ATP10A: variants seen among roughly 807,000 people sequenced by gnomAD.
ATP10A encodes phospholipid-transporting ATPase VA.
ATP10A carries 111 observed loss-of-function variants against 147.8 expected under a neutral mutation model. That is an observed-to-expected ratio of 0.75 (90% CI 0.64 to 0.88). The LOEUF (loss-of-function observed/expected upper bound fraction) is 0.88. ATP10A is among the 40% of genes least tolerant of loss of function. ATP10A has a pLI of 0.00. For synonymous variants in ATP10A, 875 were observed against 841.6 expected (o/e 1.04, Z -0.69); for missense variants, 1,927 against 1,959.0 (o/e 0.98, Z 0.31).
intron 8 of ATP10A, among the ~76,000 whole-genome samples, chr15:25,717,696 A>C (rs548461955): frequency 6.6e-6 from 1 of 151,424 alleles, no homozygotes; most frequent in African/African-American, 2.4e-5. Flanking sequence ...CATTGGTAAA[A>C]CATTTCAGAA....
upstream of ATP10A, among the ~76,000 whole-genome samples, chr15:25,863,997 AT>A (rs1051862198): frequency 2.0e-5 from 3 of 152,286 alleles, no homozygotes; most frequent in Non-Finnish European, 2.9e-5. Flanking sequence ...CAAAGACAGA[AT>A]TTGGTTTGCA....
downstream of ATP10A, among the ~76,000 whole-genome samples, chr15:25,675,529 C>T (rs7181116): frequency 0.71 from 107,595 of 151,836 alleles, 39,108 homozygotes; most frequent in African/African-American, 0.86. Flanking sequence ...AGCCACACCA[C>T]TGAGAGGCCC....
At chr15:25,673,024 G>A (rs1899071994), downstream of ATP10A, among the ~76,000 whole-genome samples, 1 of 152,124 alleles carries the variant, frequency 6.6e-6, no homozygotes, top group Admixed American at 6.5e-5. Context: ...GGGACGAGGA[G>A]AAGGAGGGTC....
At chr15:25,797,451 C>A (rs947664315) in intron 1 of ATP10A, among the ~76,000 whole-genome samples, 1 of 152,072 alleles carries the variant, frequency 6.6e-6, no homozygotes, top group Non-Finnish European at 1.5e-5. Context: ...CCTGCCCCCA[C>A]CCCACCCTTT....
At chr15:25,757,070 G>C (rs1010674657) in intron 2 of ATP10A, among the ~76,000 whole-genome samples, 1 of 152,144 alleles carries the variant, frequency 6.6e-6, no homozygotes, top group Non-Finnish European at 1.5e-5. Flanking sequence ...AAACCTTCAA[G>C]TGAAATTAAG....
intron 3 of ATP10A, among the ~76,000 whole-genome samples, chr15:25,729,541 C>T (rs541880407): frequency 5.3e-5 from 8 of 152,300 alleles, no homozygotes; most frequent in African/African-American, 1.7e-4. Context: ...GAGCAATCTT[C>T]GAGTGTGCGC....
At chr15:25,844,103 T>C (rs1179928284) in intron 1 of ATP10A, among the ~76,000 whole-genome samples, 2 of 152,206 alleles carry the variant, frequency 1.3e-5, no homozygotes, top group Non-Finnish European at 2.9e-5. Flanking sequence ...AAACTAATGA[T>C]ACAAGGCCAC....
In ATP10A at chr15:25,727,122, CTG is replaced by C. The variant is rs765656173; in HGVS notation, c.847+36_847+37del. 4.1e-6 allele frequency: 6 copies of C among 1,451,870 alleles called. No homozygotes were observed. The African/African-American group carries it at 8.4e-5, about 20-fold the overall frequency. The allele number at this position is 1,451,870 out of a possible 1,614,324, so 89.9% of individuals were successfully genotyped here. ...AGGGGAAGTGCTGGAGAACACAGCG[CTG>C]TCTGGCGGCAGGTGGTGCCAGGTGC... On this transcript the variant is annotated intron_variant, in intron 4 of 20. Transcript: ENST00000555815.
At chr15:25,791,729 A>C (rs1209888138) in intron 1 of ATP10A, among the ~76,000 whole-genome samples, 1 of 152,046 alleles carries the variant, frequency 6.6e-6, no homozygotes, top group Non-Finnish European at 1.5e-5. Flanking sequence ...CTTCTTGACC[A>C]CGAAACCTGT....
intron 1 of ATP10A, among the ~76,000 whole-genome samples, chr15:25,834,526 G>C (rs1056370283): frequency 2.0e-5 from 3 of 152,208 alleles, no homozygotes; most frequent in Non-Finnish European, 4.4e-5. Context: ...GGAGAAAGTG[G>C]AACCCTCGGA....
intron 2 of ATP10A, among the ~76,000 whole-genome samples, chr15:25,745,831 TAGTC>T (rs769780341): frequency 6.6e-6 from 1 of 152,200 alleles, no homozygotes; most frequent in Non-Finnish European, 1.5e-5. Context: ...TTAATACTGA[TAGTC>T]AAAGATGCAT....
intron 1 of ATP10A, among the ~76,000 whole-genome samples, chr15:25,811,816 G>A (rs1891446184): frequency 2.0e-5 from 3 of 152,144 alleles, no homozygotes; most frequent in Admixed American, 6.6e-5. Flanking sequence ...ATGGATGTGG[G>A]CTTGTCCTCC....
At chr15:25,745,773 A>G (rs1887816157) in intron 2 of ATP10A, among the ~76,000 whole-genome samples, 1 of 152,192 alleles carries the variant, frequency 6.6e-6, no homozygotes, top group Non-Finnish European at 1.5e-5. Context: ...TTTTTGCTTA[A>G]AAAGGGCCCT....
Position 25,714,053 on chromosome 15 carries a change from C to G in ATP10A, c.1965G>C (p.Glu655Asp), listed in dbSNP as rs1442362568. Reference sequence around the variant, plus strand: ...CCGAGGTGGGCTGGCCCAGCCTCTCCTCCAGCCTGAGAAGCATGCCGTCGC... The same window carrying G: ...CCGAGGTGGGCTGGCCCAGCCTCTCGTCCAGCCTGAGAAGCATGCCGTCGC... ...PSSDGMLLRLEERLGQPTSAI... is the reference protein window; with the variant it reads ...PSSDGMLLRLDERLGQPTSAI... Residue 655 changes from glutamate (E) to aspartate (D), a missense_variant, in exon 10 of 21, where the codon GAG (glutamate) becomes GAC (aspartate). Transcript: ENST00000555815. 2 of 1,612,564 alleles carry G rather than the reference C, an allele frequency of 1.2e-6. No homozygotes were observed.
At chr15:25,806,601 C>A (rs569393434) in intron 1 of ATP10A, among the ~76,000 whole-genome samples, 2 of 152,132 alleles carry the variant, frequency 1.3e-5, no homozygotes, top group South Asian at 4.1e-4. Flanking sequence ...TGTGAGCCAC[C>A]GCACCCAGCC....
chr15:25,721,186 G>A (rs997464369), intron 7 of ATP10A, among the ~76,000 whole-genome samples: 3 of 152,202 alleles, frequency 2.0e-5, no homozygotes, highest in African/African-American at 7.2e-5. Context: ...TCAATAATTG[G>A]GAGTGAGGCG....
chr15:25,833,703 G>A (rs963742263), intron 1 of ATP10A, among the ~76,000 whole-genome samples: 2 of 152,106 alleles, frequency 1.3e-5, no homozygotes, highest in Non-Finnish European at 2.9e-5. Context: ...ACTCTCAGCC[G>A]GGTGCCGTGG....
At position 25,718,358 on chromosome 15, in the gene ATP10A, C is replaced by T. The variant is rs1441384584; in HGVS notation, c.1405G>A (p.Glu469Lys). 8.7e-6 allele frequency: 14 copies of T among 1,608,718 alleles called. No homozygotes were observed. The highest frequency in any genetic ancestry group is 5.3e-5 in the African/African-American group (4 of 74,926). ...ARYQEADSEE[E>K]EVVPRGGSVS... ...GAGCCCCCTCTGGGCACCACCTCCT[C>T]CTCCTCCGAGTCTGCCTCTTGGTAC... Residue 469 changes from glutamate (E) to lysine (K), a missense_variant, in exon 8 of 21, where the codon GAG becomes AAG. Glu to Lys is a moderately conservative substitution (Grantham distance 56). Coordinates refer to ENST00000555815, the MANE Select transcript of ATP10A (RefSeq NM_024490.4).
chr15:25,676,604 C>T (rs8026330), downstream of ATP10A, among the ~76,000 whole-genome samples: 3 of 152,064 alleles, frequency 2.0e-5, no homozygotes, highest in Non-Finnish European at 2.9e-5. Context: ...TTGAGTTTCA[C>T]GTATTTTAAA....
Sources: allele counts gnomAD v4.1 joint callset (sites outside exome capture counted in the v4.1 genomes callset), GRCh38; gene constraint gnomAD v4.1.1; transcripts MANE v1.5; gene names NCBI Gene and HGNC (gene_info 2026-07-23, HGNC 2026-07-21).